Variants in NFIB observed in about 807,000 individuals in gnomAD.
NFIB encodes nuclear factor I B, also known as nuclear factor 1 B-type.
Under a neutral mutation model 61.5 loss-of-function variants are expected in NFIB, and 11 were observed. That is an observed-to-expected ratio of 0.18 (90% confidence interval 0.11 to 0.30). NFIB has a LOEUF of 0.30. Among genes scored for constraint, NFIB ranks in the 10% least tolerant of loss-of-function variants. The pLI, the probability that NFIB is intolerant of heterozygous loss-of-function variation, is 1.00. For missense variants in NFIB, 471 were observed against 608.9 expected (o/e 0.77, Z 2.38); for synonymous variants, 260 against 216.5 (o/e 1.20, Z -1.76).
intron 3 of NFIB, among the ~76,000 whole-genome samples, chr9:14,176,366 G>A (rs1052888482): frequency 6.6e-6 from 1 of 151,728 alleles, no homozygotes; most frequent in South Asian, 2.1e-4. Context: ...AGTGCTTAGC[G>A]CTTCTCAGCC....
chr9:14,188,663 G>A (rs2047631244), intron 2 of NFIB, among the ~76,000 whole-genome samples: 2 of 152,158 alleles, frequency 1.3e-5, no homozygotes, highest in Non-Finnish European at 2.9e-5. Context: ...GTACTTTGAG[G>A]AACAATTTGC....
chr9:14,391,195 G>A (rs901714633), intron 1 of NFIB, among the ~76,000 whole-genome samples: 5 of 152,096 alleles, frequency 3.3e-5, no homozygotes, highest in Non-Finnish European at 7.4e-5. Context: ...ATACTACCTT[G>A]TCATTGGTTC....
At chr9:14,442,383 A>G in the NFIB span, among the ~76,000 whole-genome samples, 1 of 152,206 alleles carries the variant, frequency 6.6e-6, no homozygotes, top group Non-Finnish European at 1.5e-5. Context: ...AGAGGATCAA[A>G]TGAGCAAGAG....
At position 14,084,550 on chromosome 9, in the gene NFIB, G is replaced by T. The variant is rs1267112450; in HGVS notation, c.*3759C>A. The T allele has an allele frequency of 4.4e-6, 1 of 226,604 alleles. No homozygotes were observed. The highest frequency in any genetic ancestry group is 8.8e-6 in the Non-Finnish European group (1 of 113,774). 14.0% of individuals were successfully genotyped at this position (226,604 alleles called of 1,614,324 possible). On this transcript the variant is annotated 3_prime_UTR_variant, in exon 11 of 11. Transcript: ENST00000380953. ...CCTTAGACAAGCCTCAAATGCTCAC[G>T]TCACTCCAGGGGTAACACGCTTCAG...
chr9:14,340,094 C>T lies in NFIB; in HGVS notation c.109-32574G>A, dbSNP rs546859824. On this transcript the variant is annotated intron_variant, in intron 1 of 8. Coordinates refer to the NFIB transcript ENST00000380934. ...TCACCTTTCTAGTTAGTGACAGAAC[C>T]TGAATTGTAAAGTGGGGCTCTAACT... Among the ~76,000 whole-genome samples, 3 of 152,266 alleles carry T rather than the reference C, an allele frequency of 2.0e-5. No individual in the cohort carries two copies. The East Asian group carries it at 5.8e-4, about 29-fold the overall frequency.
chr9:14,490,433 T>C, the NFIB span, among the ~76,000 whole-genome samples: 1 of 152,174 alleles, frequency 6.6e-6, no homozygotes, highest in Non-Finnish European at 1.5e-5. Flanking sequence ...TGACCTCAAA[T>C]GTACTAGCCA....
the NFIB span, among the ~76,000 whole-genome samples, chr9:14,428,030 G>C: frequency 7.6e-6 from 1 of 131,420 alleles, no homozygotes; most frequent in Non-Finnish European, 1.5e-5. Flanking sequence ...CTGCAGCCTC[G>C]ACCTCCCCAG....
intron 2 of NFIB, among the ~76,000 whole-genome samples, chr9:14,195,876 T>A (rs1392483658): frequency 6.6e-6 from 1 of 151,968 alleles, no homozygotes; most frequent in African/African-American, 2.4e-5. Context: ...GTGGGGTATT[T>A]AAGAAAATGT....
chr9:14,450,983 A>G, the NFIB span, among the ~76,000 whole-genome samples: 2 of 152,174 alleles, frequency 1.3e-5, no homozygotes, highest in Non-Finnish European at 2.9e-5. Context: ...CACAAACGAG[A>G]CTCACAGAAA....
chr9:14,184,220 T>G (rs1025652370), intron 2 of NFIB, among the ~76,000 whole-genome samples: 1 of 152,222 alleles, frequency 6.6e-6, no homozygotes, highest in East Asian at 1.9e-4. Flanking sequence ...GTTCTCTATA[T>G]GGACAGCCTA....
intron 1 of NFIB, among the ~76,000 whole-genome samples, chr9:14,394,402 C>G (rs1462642353): frequency 6.6e-6 from 1 of 152,150 alleles, no homozygotes; most frequent in Non-Finnish European, 1.5e-5. Flanking sequence ...GTTTAATGGA[C>G]TCACAGTTCC....
chr9:14,400,680 A>G (rs2061734351), upstream of NFIB, among the ~76,000 whole-genome samples: 1 of 152,226 alleles, frequency 6.6e-6, no homozygotes, highest in Non-Finnish European at 1.5e-5. Flanking sequence ...GGAGGCCTCC[A>G]TCTCAGGAAG....
chr9:14,324,247 T>A (rs2060725780), intron 1 of NFIB, among the ~76,000 whole-genome samples: 1 of 152,186 alleles, frequency 6.6e-6, no homozygotes, highest in South Asian at 2.1e-4. Context: ...TTCCAAATAG[T>A]AGTTTCATGG....
At chr9:14,424,522 G>A in the NFIB span, among the ~76,000 whole-genome samples, 43 of 152,230 alleles carry the variant, frequency 2.8e-4, 1 homozygote, top group South Asian at 8.1e-3. Context: ...TACGCGGGGC[G>A]ACCTGCAGAA....
At chr9:14,099,275 C>T (rs1173794839) in intron 10 of NFIB, among the ~76,000 whole-genome samples, 2 of 152,124 alleles carry the variant, frequency 1.3e-5, no homozygotes, top group African/African-American at 4.8e-5. Context: ...TTTATTCCAT[C>T]GTGACAAAGG....
chr9:14,294,213 G>A (rs2059278474), intron 2 of NFIB, among the ~76,000 whole-genome samples: 1 of 152,144 alleles, frequency 6.6e-6, no homozygotes, highest in African/African-American at 2.4e-5. Flanking sequence ...ACTATAAGCA[G>A]CTTTTCCCTT....
chr9:14,491,296 T>TAA, the NFIB span, among the ~76,000 whole-genome samples: 1 of 151,928 alleles, frequency 6.6e-6, no homozygotes. Context: ...TTGACATATC[T>TAA]AAAAAAAATC....
intron 2 of NFIB, among the ~76,000 whole-genome samples, chr9:14,225,663 G>C (rs932362020): frequency 6.6e-6 from 1 of 151,874 alleles, no homozygotes; most frequent in African/African-American, 2.4e-5. Context: ...GTCTGATATA[G>C]AAAGTAATAG....
intron 2 of NFIB, among the ~76,000 whole-genome samples, chr9:14,182,523 T>G (rs187929458): frequency 2.3e-4 from 35 of 152,296 alleles, no homozygotes; most frequent in African/African-American, 8.4e-4. Flanking sequence ...GGAGTCGTGG[T>G]TGGCAGAGAA....
Sources: allele counts gnomAD v4.1 joint callset (sites outside exome capture counted in the v4.1 genomes callset), GRCh38; gene constraint gnomAD v4.1.1; transcripts MANE v1.5; gene names NCBI Gene and HGNC (gene_info 2026-07-23, HGNC 2026-07-21).